GPR137B: variants seen among roughly 807,000 people sequenced by gnomAD.
GPR137B encodes the protein G protein-coupled receptor 137B.
A neutral mutation model predicts 42.5 loss-of-function variants in GPR137B; 42 were observed. The ratio of observed to expected loss-of-function variants is 0.99; its 90% CI spans 0.77 to 1.28. GPR137B has a LOEUF of 1.28. GPR137B is among the 50% of genes most tolerant of loss of function. The pLI is 0.00. For synonymous variants in GPR137B, 218 were observed against 209.7 expected, an observed-to-expected ratio of 1.04 and a Z score of -0.34; for missense variants, 487 against 493.9, an observed-to-expected ratio of 0.99 and a Z score of 0.13.
intron 5 of GPR137B, among the ~76,000 whole-genome samples, chr1:236,203,316 A>C (rs1663553876): frequency 6.6e-6 from 1 of 152,036 alleles, no homozygotes; most frequent in Non-Finnish European, 1.5e-5. Flanking sequence ...TGACCTCATG[A>C]TCTGCCTGCC....
chr1:236,208,091 G>C lies in GPR137B; in HGVS notation c.1133G>C (p.Ser378Thr), dbSNP rs755602796. ...DYYDWGQQTN[S>T]FLAQAGTLQD... is the part of the protein sequence containing the mutation. ...TATGATTGGGGACAACAAACTAACAGCTTCCTGGCACAAGCAGGAACTTTG... is the reference window on the plus strand; with the variant it reads ...TATGATTGGGGACAACAAACTAACACCTTCCTGGCACAAGCAGGAACTTTG... The change falls in exon 7 of 7, where the codon AGC becomes ACC. Residue 378 changes from serine to threonine, a missense_variant. Ser to Thr is a moderately conservative substitution (Grantham distance 58, BLOSUM62 1). Coordinates refer to ENST00000366592, the MANE Select transcript of GPR137B (RefSeq NM_003272.4). The C allele has an allele frequency of 3.1e-6, 5 of 1,612,804 alleles. No homozygotes were observed. The East Asian group carries it at 1.1e-4, about 36-fold the overall frequency.
intron 5 of GPR137B, among the ~76,000 whole-genome samples, chr1:236,190,227 T>C (rs1237629130): frequency 6.6e-6 from 1 of 151,392 alleles, no homozygotes; most frequent in Non-Finnish European, 1.5e-5. Context: ...ATGTATGTCT[T>C]TTCACGTGAG....
intron 2 of GPR137B, among the ~76,000 whole-genome samples, chr1:236,175,049 A>G (rs982878256): frequency 1.3e-5 from 2 of 151,760 alleles, no homozygotes; most frequent in African/African-American, 4.8e-5. Flanking sequence ...AGTGTAGGCC[A>G]GGTGCAGTGG....
intron 4 of GPR137B, among the ~76,000 whole-genome samples, chr1:236,183,066 C>A (rs145171058): frequency 6.6e-6 from 1 of 152,138 alleles, no homozygotes; most frequent in Non-Finnish European, 1.5e-5. Flanking sequence ...TGGGCCTTTA[C>A]GATTGCCCAA....
chr1:236,204,747 T>C (rs1663603518), intron 5 of GPR137B, among the ~76,000 whole-genome samples: 1 of 152,178 alleles, frequency 6.6e-6, no homozygotes, highest in South Asian at 2.1e-4. Context: ...AGACTTGTTA[T>C]TGGTCTGTTC....
In GPR137B at chr1:236,171,355, A is replaced by G. The variant is rs1662532130; in HGVS notation, c.464+2600A>G. The stretch of plus-strand genomic sequence containing the variant: ...AGATAGTAGCCTCTCCTCTGCATCT[A>G]TAGTCTTTGCCCTGCATCCCCCCAG... On this transcript the variant is annotated intron_variant, in intron 2 of 6. Transcript: ENST00000366592. This position sits in a 1 kb window ranked among gnomAD's most constrained non-coding sequence, Gnocchi z 4.4. Among the ~76,000 whole-genome samples the G allele has an allele frequency of 1.3e-5, 2 of 152,218 alleles. No individual in the cohort carries two copies. The highest frequency in any genetic ancestry group is 2.1e-4 in the South Asian group (1 of 4,828).
Position 236,205,258 on chromosome 1 carries a change from C to T in GPR137B, c.1091+8C>T. On this transcript the variant is annotated splice_region_variant and intron_variant, in intron 6 of 6. Transcript: ENST00000366592. ...TCAGGGACTTCAGGGAGGGTAAGAC[C>T]CTACTTCATGTTAGACAAGCCTCAT... 2 of 1,600,130 alleles carry T rather than the reference C, an allele frequency of 1.2e-6. No homozygotes were observed. The highest frequency in any genetic ancestry group is 1.1e-5 in the South Asian group (1 of 90,286).
chr1:236,207,980 A>G (rs1459843187), intron 6 of GPR137B, 70 bp from the exon 7 acceptor site: 5 of 1,116,848 alleles, frequency 4.5e-6, no homozygotes, highest in Non-Finnish European at 6.6e-6. Flanking sequence ...AGCTCTGTCT[A>G]CCTAAACTAG....
chr1:236,170,039 CAAA>C (rs11346365), intron 2 of GPR137B, among the ~76,000 whole-genome samples: 2,683 of 36,500 alleles, frequency 0.074, 39 homozygotes, highest in African/African-American at 0.16. Flanking sequence ...GAATCCATCT[CAAA>C]AAAAAAAAAA....
At chr1:236,194,988 T>A (rs1558494498) in intron 5 of GPR137B, among the ~76,000 whole-genome samples, 1 of 152,178 alleles carries the variant, frequency 6.6e-6, no homozygotes, top group Non-Finnish European at 1.5e-5. Flanking sequence ...TTTTTGTAGG[T>A]ACATAGATAA....
chr1:236,169,005 C>T (rs1307288398), intron 2 of GPR137B, among the ~76,000 whole-genome samples: 1 of 152,218 alleles, frequency 6.6e-6, no homozygotes, highest in African/African-American at 2.4e-5. Context: ...GAGCCTGGTG[C>T]CTTTCCTAAC....
At chr1:236,207,009 C>T in intron 6 of GPR137B, 3 of 290,676 alleles carry the variant, frequency 1.0e-5, no homozygotes, top group Non-Finnish European at 1.0e-5. Flanking sequence ...AACAACTTTA[C>T]AACTTTTTTC....
At chr1:236,154,497 TG>T (rs759295073) in intron 1 of GPR137B, among the ~76,000 whole-genome samples, 3 of 151,830 alleles carry the variant, frequency 2.0e-5, no homozygotes, top group Non-Finnish European at 4.4e-5. Context: ...CCCAGTGAGC[TG>T]GGACAGTGTC....
Position 236,142,781 on chromosome 1 carries a change from C to T in GPR137B, c.159C>T (p.Tyr53=), listed in dbSNP as rs993669585. The part of the protein sequence containing the change: ...LGLTVVYTVF[Y]ALLFVFIYVQ... ...TCACCGTCGTCTACACCGTGTTCTA[C>T]GCGCTGCTCTTCGTGTTCATCTACG... Residue 53 remains tyrosine, a synonymous_variant, in exon 1 of 7, where the codon TAC becomes TAT. Coordinates refer to ENST00000366592, the MANE Select transcript of GPR137B (RefSeq NM_003272.4). 1.1e-5 allele frequency: 17 copies of T among 1,613,762 alleles called. No homozygotes were observed. In the African/African-American group the frequency reaches 1.9e-4, roughly 18 times the overall value.
chr1:236,152,678 C>T (rs1175810788), intron 1 of GPR137B, among the ~76,000 whole-genome samples: 12 of 149,992 alleles, frequency 8.0e-5, no homozygotes, highest in African/African-American at 2.5e-4. Flanking sequence ...TGCTTGAATC[C>T]GGGAGGCAGA....
chr1:236,174,894 G>A (rs1461689300), intron 2 of GPR137B, among the ~76,000 whole-genome samples: 2 of 152,126 alleles, frequency 1.3e-5, no homozygotes, highest in African/African-American at 4.8e-5. Context: ...CTGGCTTGAG[G>A]GGGCAGGGCC....
chr1:236,185,679 G>A (rs1662999585), intron 5 of GPR137B, among the ~76,000 whole-genome samples: 1 of 152,048 alleles, frequency 6.6e-6, no homozygotes, highest in Non-Finnish European at 1.5e-5. Context: ...CCTTAGTCTT[G>A]CATGTAGCTG....
intron 6 of GPR137B, among the ~76,000 whole-genome samples, chr1:236,206,498 T>C (rs967818613): frequency 1.3e-5 from 2 of 151,962 alleles, no homozygotes; most frequent in Admixed American, 1.3e-4. Flanking sequence ...GCCCAGAAAA[T>C]GTGGAAAGGG....
intron 4 of GPR137B, among the ~76,000 whole-genome samples, chr1:236,182,735 A>AAACC (rs1662919033): frequency 6.6e-6 from 1 of 151,736 alleles, no homozygotes; most frequent in Admixed American, 6.6e-5. Context: ...ACCCTGTCTC[A>AAACC]AACAAACAAA....
Sources: allele counts gnomAD v4.1 joint callset (sites outside exome capture counted in the v4.1 genomes callset), GRCh38; gene constraint gnomAD v4.1.1; non-coding constraint Gnocchi (gnomAD v3.1); transcripts MANE v1.5; gene names NCBI Gene and HGNC (gene_info 2026-07-23, HGNC 2026-07-21).